HAGH: variants seen among roughly 807,000 people sequenced by gnomAD.
The protein encoded by HAGH is hydroxyacylglutathione hydrolase, mitochondrial.
A neutral mutation model predicts 35.1 loss-of-function variants in HAGH; 29 were observed. That is an observed-to-expected ratio of 0.83 (90% CI 0.62 to 1.13). The LOEUF (loss-of-function observed/expected upper bound fraction) is 1.13, where lower values mean the gene tolerates loss of function less well. Ranked by LOEUF, HAGH falls within the 50% of genes most tolerant of loss-of-function variation. The probability of loss-of-function intolerance (pLI) is 0.00; values close to 1 mark genes in which losing one functional copy is unlikely to be tolerated. For synonymous variants in HAGH, 225 were observed against 176.1 expected, an observed-to-expected ratio of 1.28 and a Z score of -2.20; for missense variants, 478 against 419.6, an observed-to-expected ratio of 1.14 and a Z score of -1.22.
chr16:1,815,932 A>ATTTTTTT (rs61101799), intron 7 of HAGH, among the ~76,000 whole-genome samples: 1 of 102,214 alleles, frequency 9.8e-6, no homozygotes, highest in Non-Finnish European at 1.9e-5. Flanking sequence ...GGCAGGGAGA[A>ATTTTTTT]TTTTTTTTTT....
intron 7 of HAGH, among the ~76,000 whole-genome samples, chr16:1,811,577 G>T (rs1208113286): frequency 6.6e-6 from 1 of 152,120 alleles, no homozygotes; most frequent in East Asian, 1.9e-4. Context: ...GCCAGACGTG[G>T]TGGCACATGT....
intron 1 of HAGH, among the ~76,000 whole-genome samples, chr16:1,823,488 C>T (rs1039358262): frequency 6.6e-6 from 1 of 151,766 alleles, no homozygotes; most frequent in African/African-American, 2.4e-5. Context: ...AGGATGGTCT[C>T]GATCTCCTGA....
intron 7 of HAGH, among the ~76,000 whole-genome samples, 159 bp downstream of exon 7, chr16:1,816,734 G>A (rs962391867): frequency 1.3e-5 from 2 of 152,222 alleles, no homozygotes; most frequent in Non-Finnish European, 2.9e-5. Flanking sequence ...TAGAACCCCT[G>A]GGTTTGCCGT....
chr16:1,816,309 A>T (rs1422056984), intron 7 of HAGH, among the ~76,000 whole-genome samples: 1 of 152,058 alleles, frequency 6.6e-6, no homozygotes, highest in Non-Finnish European at 1.5e-5. Context: ...CCTCTACTCT[A>T]AGAAATTGAA....
intron 1 of HAGH, among the ~76,000 whole-genome samples, chr16:1,824,949 G>T (rs551600657): frequency 6.6e-6 from 1 of 152,156 alleles, no homozygotes; most frequent in African/African-American, 2.4e-5. Context: ...GGTGCAGAAG[G>T]GTTGTGACAG....
intron 7 of HAGH, among the ~76,000 whole-genome samples, chr16:1,814,082 G>A (rs561635395): frequency 6.6e-6 from 1 of 152,294 alleles, no homozygotes; most frequent in East Asian, 1.9e-4. Context: ...AAATATAAAA[G>A]CTAAGACTTT....
At chr16:1,813,940 G>C (rs1345758701) in intron 7 of HAGH, among the ~76,000 whole-genome samples, 1 of 152,144 alleles carries the variant, frequency 6.6e-6, no homozygotes, top group Non-Finnish European at 1.5e-5. Flanking sequence ...AGGCAATCCA[G>C]GGAGGAAAGG....
chr16:1,817,100 A>G, intron 6 of HAGH, 68 bp downstream of exon 6: 15 of 1,339,508 alleles, frequency 1.1e-5, no homozygotes, highest in Non-Finnish European at 1.5e-5. Context: ...AGAGGGTGCC[A>G]GGAGGGAGAG....
In HAGH at chr16:1,816,997, G is replaced by A. The variant is rs746131174; in HGVS notation, c.646-3C>T. The A allele has an allele frequency of 2.1e-5, 34 of 1,596,728 alleles. No individual in the cohort carries two copies. The highest frequency in any genetic ancestry group is 2.8e-5 in the Non-Finnish European group (33 of 1,164,128). Reference sequence around the variant, plus strand: ...TACTCGTGGCCACAGTAGACTCTCTGAGGAGAGAGGTGACAGGTGAGCTCG... The same window carrying A: ...TACTCGTGGCCACAGTAGACTCTCTAAGGAGAGAGGTGACAGGTGAGCTCG... On this transcript the variant is annotated splice_region_variant and splice_polypyrimidine_tract_variant and intron_variant, in intron 6 of 8. Coordinates refer to ENST00000397356, the MANE Select transcript of HAGH (RefSeq NM_005326.6).
At chr16:1,821,956 T>G (rs112769080) in intron 3 of HAGH, 18 of 157,958 alleles carry the variant, frequency 1.1e-4, no homozygotes, top group South Asian at 1.9e-4. Context: ...TTTTTTGTTT[T>G]TTTTTTTTTT....
At position 1,824,491 on chromosome 16, in the gene HAGH, C is replaced by T. The variant is rs568981317; in HGVS notation, c.77-1454G>A. ...CAAAAATATTTTCAGCAATGAAACTCCTACTAAATCTAAAAATACCTGGGG... is the reference window on the plus strand; with the variant it reads ...CAAAAATATTTTCAGCAATGAAACTTCTACTAAATCTAAAAATACCTGGGG... On this transcript the variant is annotated intron_variant, in intron 1 of 8. Coordinates refer to ENST00000397356, the MANE Select transcript of HAGH (RefSeq NM_005326.6). Among the ~76,000 whole-genome samples the T allele has an allele frequency of 7.2e-5, 11 of 152,296 alleles. No individual in the cohort carries two copies. The East Asian group carries it at 7.7e-4, about 11-fold the overall frequency.
chr16:1,821,617 C>G (rs1898148959), intron 3 of HAGH: 1 of 152,226 alleles, frequency 6.6e-6, no homozygotes, highest in African/African-American at 2.4e-5. Flanking sequence ...AAAACCCAAC[C>G]TCTCCAGATA....
At chr16:1,820,452 A>G (rs1898106187) in intron 3 of HAGH, among the ~76,000 whole-genome samples, 1 of 150,340 alleles carries the variant, frequency 6.7e-6, no homozygotes, top group Non-Finnish European at 1.5e-5. Flanking sequence ...TGTGCTGCCC[A>G]GTTTGTGGCC....
rs973836946 is a variant in HAGH, at chr16:1,822,730, A to C, written c.249+135T>G. 4.4e-5 allele frequency: 33 copies of C among 741,624 alleles called. 1 individual carries two copies. The highest frequency in any genetic ancestry group is 7.7e-4 in the Middle Eastern group (2 of 2,598). 45.9% of individuals were successfully genotyped at this position (741,624 alleles called of 1,614,324 possible). A position where few individuals can be genotyped will look rare whatever the true frequency, so the allele number is the denominator to read the frequency against. ...CCTCCACCCTTCTTGGAGCCCTGTT[A>C]ACAGAGTGGCCGGAGACTAATTTCC... On this transcript the variant is annotated intron_variant, in intron 2 of 8. Coordinates refer to ENST00000397356, the MANE Select transcript of HAGH (RefSeq NM_005326.6).
intron 3 of HAGH, 45 bp from the exon 4 acceptor site, chr16:1,820,059 GGC>G (rs1898083637): frequency 2.8e-6 from 3 of 1,089,676 alleles, no homozygotes; most frequent in South Asian, 2.5e-5. Context: ...GAGCTGAGGG[GGC>G]TGCCTGCTGA....
chr16:1,817,247 C>A lies in HAGH; in HGVS notation c.566G>T (p.Cys189Phe), dbSNP rs766838982. 6.2e-7 allele frequency: 1 copy of A among 1,612,764 alleles called. No homozygotes were observed. The highest frequency in any genetic ancestry group is 8.5e-7 in the Non-Finnish European group (1 of 1,178,920). The change falls in exon 6 of 9, where the codon TGC (cysteine) becomes TTC (phenylalanine). Residue 189 changes from cysteine to phenylalanine, a missense_variant. Transcript: ENST00000397356. ...CGCAGTCCCTTCATAGAACTTCCCGCAGCCAGCCACAAACAAGGTGTCACC... is the reference window on the plus strand; with the variant it reads ...CGCAGTCCCTTCATAGAACTTCCCGAAGCCAGCCACAAACAAGGTGTCACC... ...FTGDTLFVAG[C>F]GKFYEGTADE...
chr16:1,822,493 C>A, intron 2 of HAGH, 129 bp from the exon 3 acceptor site: 1 of 752,600 alleles, frequency 1.3e-6, no homozygotes, highest in East Asian at 2.5e-5. Context: ...CCGTCCTGAC[C>A]CTGCCAGCTT....
intron 2 of HAGH, 108 bp from the exon 3 acceptor site, chr16:1,822,472 G>T: frequency 1.2e-6 from 1 of 860,280 alleles, no homozygotes; most frequent in Non-Finnish European, 2.0e-6. Context: ...ATGAGGGGCC[G>T]CTGACATGGC....
At position 1,817,116 on chromosome 16, in the gene HAGH, C is replaced by G. The variant is rs185905364; in HGVS notation, c.645+52G>C. On this transcript the variant is annotated intron_variant, in intron 6 of 8. Coordinates refer to ENST00000397356, the MANE Select transcript of HAGH (RefSeq NM_005326.6). The stretch of plus-strand genomic sequence containing the variant: ...GAGGGTGCCAGGAGGGAGAGCAGCC[C>G]CGCCCTGGTTAAGGCCCCCCACACC... The G allele has an allele frequency of 5.0e-3, 6,945 of 1,391,760 alleles. 136 individuals carry two copies. Among genetic ancestry groups the G allele is most frequent in the Middle Eastern group, 0.034 (195 of 5,666 alleles). The allele number at this position is 1,391,760 out of a possible 1,614,324, so 86.2% of individuals were successfully genotyped here.
Sources: gnomAD v4.1 joint callset for allele counts (sites outside exome capture counted in the v4.1 genomes callset) on GRCh38, gnomAD v4.1.1 for gene constraint, MANE v1.5 for transcripts, NCBI Gene and HGNC (gene_info 2026-07-23, HGNC 2026-07-21) for gene names.